MECOM: variants seen among roughly 807,000 people sequenced by gnomAD.
MECOM encodes the protein histone-lysine N-methyltransferase MECOM.
Under a neutral mutation model 116.3 loss-of-function variants are expected in MECOM, and 13 were observed. The ratio of observed to expected loss-of-function variants is 0.11; its 90% CI spans 0.07 to 0.18. The LOEUF (loss-of-function observed/expected upper bound fraction) is 0.18, where lower values mean the gene tolerates loss of function less well. MECOM is among the 10% of genes least tolerant of loss of function. MECOM has a pLI of 1.00. For synonymous variants in MECOM, 528 were observed against 535.2 expected (o/e 0.99, Z 0.19); for missense variants, 1,299 against 1,509.0 (o/e 0.86, Z 2.31).
intron 2 of MECOM, among the ~76,000 whole-genome samples, chr3:169,185,716 A>C (rs1038258508): frequency 6.6e-6 from 1 of 152,218 alleles, no homozygotes; most frequent in African/African-American, 2.4e-5. Context: ...TCTATCATTC[A>C]CTACCCTAGA....
chr3:169,385,154 A>G (rs1443374132), intron 1 of MECOM, among the ~76,000 whole-genome samples: 1 of 148,262 alleles, frequency 6.7e-6, no homozygotes, highest in East Asian at 2.0e-4. Context: ...GTGCCCTCCC[A>G]CTGGCATAGC....
intron 2 of MECOM, among the ~76,000 whole-genome samples, chr3:169,346,110 G>A (rs1725299898): frequency 1.3e-5 from 2 of 152,046 alleles, no homozygotes; most frequent in Non-Finnish European, 2.9e-5. Context: ...AGCGAAGCAA[G>A]ACTGCCATCA....
chr3:169,482,328 CTTTTTTTTTTTT>C (rs768771100), intron 1 of MECOM, among the ~76,000 whole-genome samples: 1 of 108,396 alleles, frequency 9.2e-6, no homozygotes, highest in African/African-American at 3.6e-5. Context: ...AACCCACGTT[CTTTTTTTTTTTT>C]TTTTTTTTTG....
At chr3:169,399,891 C>A (rs2195637) in intron 1 of MECOM, among the ~76,000 whole-genome samples, 1 of 152,136 alleles carries the variant, frequency 6.6e-6, no homozygotes, top group Non-Finnish European at 1.5e-5. Flanking sequence ...TCTGAAGAAT[C>A]TAAATTTTCT....
rs150398423 is a variant in MECOM, at chr3:169,513,653, G to A, written c.38-132129C>T. Among the ~76,000 whole-genome samples, 4 of 152,290 alleles carry A rather than the reference G, an allele frequency of 2.6e-5. No individual in the cohort carries two copies. The East Asian group carries it at 7.7e-4, about 29-fold the overall frequency. ...AGAGAGAAAAATAAATGAAAAAAAT[G>A]AATTCTTTCCTTTAAAACCTTGAGG... On this transcript the variant is annotated intron_variant, in intron 1 of 16. Coordinates refer to ENST00000651503, the MANE Select transcript of MECOM (RefSeq NM_004991.4).
At chr3:169,144,804 C>T (rs565492511) in intron 2 of MECOM, among the ~76,000 whole-genome samples, 215 of 152,166 alleles carry the variant, frequency 1.4e-3, no homozygotes, top group Admixed American at 3.1e-3. Context: ...TTAATACAAA[C>T]GAGGAAGTTT....
intron 1 of MECOM, among the ~76,000 whole-genome samples, chr3:169,524,544 A>C (rs1409191396): frequency 6.6e-6 from 1 of 152,192 alleles, no homozygotes; most frequent in Non-Finnish European, 1.5e-5. Context: ...GGCCATTAAG[A>C]AATGAAAGCA....
intron 1 of MECOM, among the ~76,000 whole-genome samples, chr3:169,633,902 CAAA>C (rs3045472): frequency 0.046 from 6,371 of 137,122 alleles, 378 homozygotes; most frequent in East Asian, 0.26. Flanking sequence ...GTGACCCTGG[CAAA>C]AAAAAAAAAA....
rs370840924 is a variant in MECOM, at chr3:169,532,724, C to A, written c.37+130612G>T. 1.2e-4 allele frequency among the ~76,000 whole-genome samples: 19 copies of A among 152,254 alleles called. 1 individual carries two copies. The highest frequency in any genetic ancestry group is 4.1e-4 in the African/African-American group (17 of 41,544). Reference sequence around the variant, plus strand: ...GTTGCCCTCAGTGTGATTTTTACATCGCTGGCTCCTCAGTTGCTTCCCCAC... The same window carrying A: ...GTTGCCCTCAGTGTGATTTTTACATAGCTGGCTCCTCAGTTGCTTCCCCAC... On this transcript the variant is annotated intron_variant, in intron 1 of 16. Coordinates refer to ENST00000651503, the MANE Select transcript of MECOM (RefSeq NM_004991.4).
intron 2 of MECOM, among the ~76,000 whole-genome samples, chr3:169,305,153 G>A (rs574805965): frequency 3.4e-4 from 51 of 152,134 alleles, no homozygotes; most frequent in Admixed American, 2.4e-3. Context: ...CCTGAAAACC[G>A]CATTTTTATA....
chr3:169,440,494 T>C (rs755337101), intron 1 of MECOM, among the ~76,000 whole-genome samples: 95 of 149,748 alleles, frequency 6.3e-4, no homozygotes, highest in Non-Finnish European at 1.2e-3. Flanking sequence ...GAGCAAGGGA[T>C]TGAAGGAAGA....
At chr3:169,639,127 T>A (rs1282188679) in intron 1 of MECOM, among the ~76,000 whole-genome samples, 1 of 152,140 alleles carries the variant, frequency 6.6e-6, no homozygotes, top group Non-Finnish European at 1.5e-5. Flanking sequence ...AACTAAAAAA[T>A]AAATGTTTAC....
At chr3:169,406,700 A>T (rs1481576716) in intron 1 of MECOM, among the ~76,000 whole-genome samples, 7 of 152,128 alleles carry the variant, frequency 4.6e-5, no homozygotes, top group Admixed American at 2.6e-4. Flanking sequence ...ATAAATAGGT[A>T]ACAGTCCCAT....
chr3:169,107,767 G>T (rs1382794271), intron 10 of MECOM, among the ~76,000 whole-genome samples, 159 bp downstream of exon 10: 1 of 152,168 alleles, frequency 6.6e-6, no homozygotes, highest in African/African-American at 2.4e-5. Context: ...ATAACTGAAA[G>T]AATGCAGCTT....
At chr3:169,460,289 T>C (rs1379322176) in intron 1 of MECOM, among the ~76,000 whole-genome samples, 4 of 152,188 alleles carry the variant, frequency 2.6e-5, no homozygotes, top group Non-Finnish European at 4.4e-5. Flanking sequence ...CTTCATCCTA[T>C]AGAACTCTAT....
At chr3:169,167,710 A>G (rs970723745) in intron 2 of MECOM, among the ~76,000 whole-genome samples, 3 of 152,192 alleles carry the variant, frequency 2.0e-5, no homozygotes, top group African/African-American at 7.2e-5. Context: ...ATGAATAGAC[A>G]TGTAACCCTA....
chr3:169,341,855 C>T (rs1300978903), intron 2 of MECOM, among the ~76,000 whole-genome samples: 3 of 151,952 alleles, frequency 2.0e-5, no homozygotes, highest in African/African-American at 7.3e-5. Context: ...ATTGGATTGT[C>T]TGTAACTTAA....
intron 1 of MECOM, among the ~76,000 whole-genome samples, chr3:169,594,453 C>G (rs919492748): frequency 4.6e-5 from 7 of 151,976 alleles, no homozygotes; most frequent in Admixed American, 6.6e-5. Flanking sequence ...TTCTTAGGCC[C>G]CAGCTCAGAC....
chr3:169,444,125 A>T (rs1744208206), intron 1 of MECOM, among the ~76,000 whole-genome samples: 1 of 152,158 alleles, frequency 6.6e-6, no homozygotes, highest in African/African-American at 2.4e-5. Flanking sequence ...AATCTTTTTC[A>T]GAGTTCCTGA....
Sources: allele counts gnomAD v4.1 joint callset (sites outside exome capture counted in the v4.1 genomes callset), GRCh38; gene constraint gnomAD v4.1.1; transcripts MANE v1.5; gene names NCBI Gene and HGNC (gene_info 2026-07-23, HGNC 2026-07-21).